The following ZNF827 variants were observed in gnomAD, a reference collection of about 807,000 sequenced individuals.
ZNF827 encodes the protein zinc finger protein 827.
A neutral mutation model predicts 102.4 loss-of-function variants in ZNF827; 13 were observed. That is an observed-to-expected ratio of 0.13 (90% CI 0.08 to 0.20). The LOEUF is 0.20. Ranked by LOEUF, ZNF827 falls within the 10% of genes least tolerant of loss-of-function variation. The probability of loss-of-function intolerance (pLI) is 1.00; values close to 1 mark genes in which losing one functional copy is unlikely to be tolerated. For synonymous variants in ZNF827, 523 were observed against 536.2 expected (o/e 0.98, Z 0.34); for missense variants, 1,103 against 1,344.4 (o/e 0.82, Z 2.81).
chr4:145,868,817 G>T (rs1748430733), intron 5 of ZNF827, among the ~76,000 whole-genome samples: 1 of 152,186 alleles, frequency 6.6e-6, no homozygotes, highest in East Asian at 1.9e-4. Context: ...GGGAGACAGG[G>T]GTCACTGTTG....
intron 6 of ZNF827, among the ~76,000 whole-genome samples, chr4:145,847,722 G>C (rs142711869): frequency 1.3e-5 from 2 of 152,242 alleles, no homozygotes; most frequent in East Asian, 3.9e-4. Context: ...TTAATATCTA[G>C]AAAAAACCTG....
chr4:145,895,610 C>A (rs1449178498), intron 2 of ZNF827, among the ~76,000 whole-genome samples: 2 of 152,140 alleles, frequency 1.3e-5, no homozygotes, highest in African/African-American at 4.8e-5. Context: ...ATAAAAGTAA[C>A]CGAAGTACCA....
At chr4:145,925,056 T>C (rs1331248953) in intron 1 of ZNF827, among the ~76,000 whole-genome samples, 1 of 152,126 alleles carries the variant, frequency 6.6e-6, no homozygotes, top group Admixed American at 6.5e-5. Flanking sequence ...AGGAGCAAAG[T>C]CACATCTTAC....
At chr4:145,798,537 G>A (rs1014779838) in intron 8 of ZNF827, among the ~76,000 whole-genome samples, 1 of 152,122 alleles carries the variant, frequency 6.6e-6, no homozygotes, top group African/African-American at 2.4e-5. Context: ...GTGGTGGCGT[G>A]TACCTGTATT....
At chr4:145,932,040 A>C (rs1206485788) in intron 1 of ZNF827, among the ~76,000 whole-genome samples, 1 of 152,196 alleles carries the variant, frequency 6.6e-6, no homozygotes, top group Non-Finnish European at 1.5e-5. Context: ...AAGGGGCCCT[A>C]GGGAGCTTGT....
chr4:145,925,749 A>G (rs1465229263), intron 1 of ZNF827, among the ~76,000 whole-genome samples: 1 of 152,216 alleles, frequency 6.6e-6, no homozygotes, highest in Non-Finnish European at 1.5e-5. Flanking sequence ...AATAGAAACC[A>G]AGCAAAGCAG....
At chr4:145,817,614 T>C (rs1010512701) in intron 8 of ZNF827, among the ~76,000 whole-genome samples, 2 of 152,162 alleles carry the variant, frequency 1.3e-5, no homozygotes, top group African/African-American at 4.8e-5. Context: ...GACAACAGCA[T>C]GGGAGAAACC....
At chr4:145,858,146 T>C (rs953599536) in intron 5 of ZNF827, among the ~76,000 whole-genome samples, 5 of 141,902 alleles carry the variant, frequency 3.5e-5, no homozygotes, top group Non-Finnish European at 6.1e-5. Flanking sequence ...TGTGTGTGTG[T>C]GTGTGTGTGT....
At chr4:145,908,725 G>GAACT (rs1752060995) in intron 1 of ZNF827, among the ~76,000 whole-genome samples, 1 of 152,166 alleles carries the variant, frequency 6.6e-6, no homozygotes, top group Non-Finnish European at 1.5e-5. Flanking sequence ...TATGTTCAGG[G>GAACT]AACTGTTCCC....
intron 7 of ZNF827, among the ~76,000 whole-genome samples, chr4:145,837,033 T>C (rs2126588349): frequency 6.6e-6 from 1 of 152,326 alleles, no homozygotes; most frequent in South Asian, 2.1e-4. Flanking sequence ...GTAGATACTT[T>C]CACTGGATAG....
At chr4:145,885,657 A>G in intron 4 of ZNF827, 21 bp downstream of exon 4, 1 of 1,489,738 alleles carries the variant, frequency 6.7e-7, no homozygotes, top group Non-Finnish European at 8.9e-7. Flanking sequence ...AGAGAGAGAG[A>G]ATACAACCCT....
At chr4:145,926,247 C>T (rs888780758) in intron 1 of ZNF827, among the ~76,000 whole-genome samples, 1 of 152,180 alleles carries the variant, frequency 6.6e-6, no homozygotes, top group African/African-American at 2.4e-5. Context: ...TAACAATTTA[C>T]TCCCTTTTTC....
chr4:145,832,477 C>A (rs182571869), intron 7 of ZNF827: 22 of 151,470 alleles, frequency 1.5e-4, no homozygotes, highest in Admixed American at 1.4e-3. Context: ...GTTGATCGGG[C>A]CTTTGAAATA....
intron 1 of ZNF827, among the ~76,000 whole-genome samples, chr4:145,924,181 C>T (rs1753267414): frequency 6.6e-6 from 1 of 152,110 alleles, no homozygotes; most frequent in African/African-American, 2.4e-5. Flanking sequence ...TTACACATCT[C>T]AAAGACAAGC....
At position 145,765,592 on chromosome 4, in the gene ZNF827, G is replaced by A. The variant is rs781521090; in HGVS notation, c.3007C>T (p.Pro1003Ser). The A allele has an allele frequency of 6.2e-7, 1 of 1,614,044 alleles. No individual in the cohort carries two copies. The highest frequency in any genetic ancestry group is 8.5e-7 in the Non-Finnish European group (1 of 1,179,986). Residue 1003 changes from proline to serine, a missense_variant, in exon 12 of 15, where the codon CCT becomes TCT. By Grantham distance (74) the Pro-to-Ser change is moderately conservative (BLOSUM62 -1). Transcript: ENST00000508784. The surrounding 1 kb of genome is among the most constrained non-coding windows in gnomAD (Gnocchi z 4.7). ...CTGTTCAGTGAGGGCTGGCTCCCAGGCATGACAGAGATGACCAGCAGATTG... is the reference window on the plus strand; with the variant it reads ...CTGTTCAGTGAGGGCTGGCTCCCAGACATGACAGAGATGACCAGCAGATTG... ...GNNLLVISVM[P>S]GSQPSLNSEE...
chr4:145,885,276 T>G (rs1750010636), intron 4 of ZNF827, among the ~76,000 whole-genome samples: 2 of 152,100 alleles, frequency 1.3e-5, no homozygotes, highest in African/African-American at 4.8e-5. Flanking sequence ...AGAACTTGAA[T>G]AATGCCAAAA....
intron 4 of ZNF827, among the ~76,000 whole-genome samples, chr4:145,875,726 G>T (rs1222084586): frequency 6.6e-6 from 1 of 152,110 alleles, no homozygotes; most frequent in African/African-American, 2.4e-5. Context: ...ATGCTGAACT[G>T]CTCTGTGAAA....
chr4:145,863,966 G>A lies in ZNF827; in HGVS notation c.1981+6279C>T, dbSNP rs144197734. Reference sequence around the variant, plus strand: ...CCTAGCACTTTGGGAGGCTGAGGTGGGCAGATTGTCTGAGCTCAGATGTTC... The same window carrying A: ...CCTAGCACTTTGGGAGGCTGAGGTGAGCAGATTGTCTGAGCTCAGATGTTC... On this transcript the variant is annotated intron_variant, in intron 5 of 14. Coordinates refer to ENST00000508784, the MANE Select transcript of ZNF827 (RefSeq NM_001306215.2). Among the ~76,000 whole-genome samples the A allele has an allele frequency of 2.8e-3, 429 of 151,980 alleles. 1 individual carries two copies. The highest frequency in any genetic ancestry group is 9.5e-3 in the African/African-American group (395 of 41,442).
At chr4:145,840,568 A>G (rs1265058270) in intron 7 of ZNF827, among the ~76,000 whole-genome samples, 2 of 152,260 alleles carry the variant, frequency 1.3e-5, no homozygotes, top group Non-Finnish European at 2.9e-5. Context: ...GGTAAAGAGA[A>G]TATATGGAGA....
Sources: allele counts gnomAD v4.1 joint callset (sites outside exome capture counted in the v4.1 genomes callset), GRCh38; gene constraint gnomAD v4.1.1; non-coding constraint Gnocchi (gnomAD v3.1); transcripts MANE v1.5; gene names NCBI Gene and HGNC (gene_info 2026-07-23, HGNC 2026-07-21).